Variants in TIMM21 observed in about 807,000 individuals in gnomAD.
TIMM21 encodes the protein mitochondrial import inner membrane translocase subunit Tim21.
TIMM21 carries 30 observed loss-of-function variants against 27.7 expected under a neutral mutation model. The ratio of observed to expected loss-of-function variants is 1.08; its 90% confidence interval spans 0.81 to 1.47. TIMM21 has a LOEUF of 1.47. Among genes scored for constraint, TIMM21 ranks in the 40% most tolerant of loss-of-function variants. TIMM21 has a pLI of 0.00. For synonymous variants in TIMM21, 121 were observed against 114.4 expected, an observed-to-expected ratio of 1.06 and a Z score of -0.37; for missense variants, 292 against 302.9, an observed-to-expected ratio of 0.96 and a Z score of 0.27.
At position 74,148,582 on chromosome 18, in the gene TIMM21, A is replaced by G; in HGVS notation, c.-227A>G. 4.3e-6 allele frequency: 2 copies of G among 469,980 alleles called. No homozygotes were observed. The highest frequency in any genetic ancestry group is 7.7e-6 in the Non-Finnish European group (2 of 261,432). The allele number at this position is 469,980 out of a possible 1,614,324, so 29.1% of individuals were successfully genotyped here. A position where few individuals can be genotyped will look rare whatever the true frequency, so the allele number is the denominator to read the frequency against. On this transcript the variant is annotated 5_prime_UTR_variant, in exon 1 of 6. Coordinates refer to ENST00000169551, the MANE Select transcript of TIMM21 (RefSeq NM_014177.3). ...GAATGTCAGCCCAGAAGGTGATCAG[A>G]GCCTGTTAATTAAAATGGAAAGAAG... is the stretch of plus-strand genomic sequence containing the variant.
intron 1 of TIMM21, among the ~76,000 whole-genome samples, chr18:74,151,635 A>C (rs923819892): frequency 2.6e-5 from 4 of 152,166 alleles, no homozygotes; most frequent in Non-Finnish European, 5.9e-5. Context: ...CCTCCTAAGA[A>C]CATAGTCAGC....
rs1979848336 is a variant in TIMM21 at position 74,152,838 on chromosome 18, T to G, written c.302-2307T>G. Among the ~76,000 whole-genome samples the G allele has an allele frequency of 6.6e-6, 1 of 152,192 alleles. No individual in the cohort carries two copies. The highest frequency in any genetic ancestry group is 1.5e-5 in the Non-Finnish European group (1 of 68,036). On this transcript the variant is annotated intron_variant, in intron 1 of 5. Transcript: ENST00000169551. The surrounding 1 kb of genome is among the most constrained non-coding windows in gnomAD (Gnocchi z 4.1). ...GACTGGGCAGAGGGAGAGGCCGAAG[T>G]GCATTTGCAGTTGGGGCCTCAGCTG... is the stretch of plus-strand genomic sequence containing the variant.
chr18:74,155,211 G>GC lies in TIMM21; in HGVS notation c.364+5dup. 1 of 1,613,982 alleles carries GC rather than the reference G, an allele frequency of 6.2e-7. No homozygotes were observed. The highest frequency in any genetic ancestry group is 8.5e-7 in the Non-Finnish European group (1 of 1,179,926). ...CTTTTTGGAATCAGCATTACAGGTT[G>GC]CAAAAAACAGCAAGTATAAGCCCTT... On this transcript the variant is annotated splice_donor_region_variant and intron_variant, in intron 2 of 5. Coordinates refer to ENST00000169551, the MANE Select transcript of TIMM21 (RefSeq NM_014177.3).
At chr18:74,154,006 T>C (rs948649825) in intron 1 of TIMM21, among the ~76,000 whole-genome samples, 5 of 152,194 alleles carry the variant, frequency 3.3e-5, no homozygotes, top group African/African-American at 1.2e-4. Flanking sequence ...GTTAAGGTAG[T>C]GTAACTGTAA....
In TIMM21 at chr18:74,158,383, G is replaced by A. The variant is rs1456774371; in HGVS notation, c.650G>A (p.Gly217Glu). 2 of 1,607,926 alleles carry A rather than the reference G, an allele frequency of 1.2e-6. No individual in the cohort carries two copies. Among genetic ancestry groups the A allele is most frequent in the Non-Finnish European group, 1.7e-6 (2 of 1,176,338 alleles). The part of the protein sequence containing the change: ...TVYAQVKENP[G>E]SGEYDFRYIF... ...ACACTACATTTTTTTCAGAACCCAG[G>A]AAGTGGTGAATATGATTTTCGATAT... Residue 217 changes from glycine to glutamate, a missense_variant, in exon 6 of 6, where the codon GGA becomes GAA. By Grantham distance (98) the Gly-to-Glu change is moderately conservative (BLOSUM62 -2). Transcript: ENST00000169551.
Position 74,148,685 on chromosome 18 carries a change from C to CCT in TIMM21, c.-123_-122dup. The CCT allele has an allele frequency of 1.0e-6, 1 of 970,722 alleles. No individual in the cohort carries two copies. Among genetic ancestry groups the CCT allele is most frequent in the Non-Finnish European group, 1.5e-6 (1 of 654,984 alleles). The allele number at this position is 970,722 out of a possible 1,614,324, so 60.1% of individuals were successfully genotyped here. A position where few individuals can be genotyped will look rare whatever the true frequency, so the allele number is the denominator to read the frequency against. ...TACGCTGCGGAAACTGACGTTTTTG[C>CCT]CTAACACCCCATGTAATGTAAACGT... is the stretch of plus-strand genomic sequence containing the variant. On this transcript the variant is annotated 5_prime_UTR_variant, in exon 1 of 6. Transcript: ENST00000169551.
At chr18:74,155,836 A>G (rs762918780) in intron 3 of TIMM21, among the ~76,000 whole-genome samples, 31 of 152,214 alleles carry the variant, frequency 2.0e-4, no homozygotes, top group Non-Finnish European at 3.2e-4. Flanking sequence ...GTTCGGCACT[A>G]CTTTGTCTTC....
chr18:74,157,866 A>G (rs1159979225), intron 3 of TIMM21, 148 bp from the exon 4 acceptor site: 9 of 811,458 alleles, frequency 1.1e-5, no homozygotes, highest in Non-Finnish European at 1.5e-5. Context: ...GATTGCTGGG[A>G]TTATAGGCGT....
chr18:74,154,310 G>A (rs1033070737), intron 1 of TIMM21, among the ~76,000 whole-genome samples: 5 of 148,282 alleles, frequency 3.4e-5, no homozygotes, highest in African/African-American at 1.0e-4. Flanking sequence ...CGCCCAGGCC[G>A]TAGTGCAGTG....
intron 1 of TIMM21, among the ~76,000 whole-genome samples, chr18:74,154,274 T>G (rs1217949851): frequency 6.6e-6 from 1 of 152,214 alleles, no homozygotes; most frequent in Non-Finnish European, 1.5e-5. Context: ...ACTGTCTTTT[T>G]TTTTTTGGAC....
chr18:74,155,179 A>C lies in TIMM21; in HGVS notation c.336A>C (p.Ile112=). Residue 112 remains isoleucine (I), a synonymous_variant, in exon 2 of 6, where the codon ATA becomes ATC. Transcript: ENST00000169551. The stretch of plus-strand genomic sequence containing the variant: ...CCGGAAGAGATTTTACCTATTTAAT[A>C]GTGGTGCTTTTTGGAATCAGCATTA... ...KEAGRDFTYL[I]VVLFGISITG... 2 of 1,614,228 alleles carry C rather than the reference A, an allele frequency of 1.2e-6. No individual in the cohort carries two copies. Among genetic ancestry groups the C allele is most frequent in the Non-Finnish European group, 1.7e-6 (2 of 1,180,046 alleles).
rs1979827631 is a variant in TIMM21, at chr18:74,152,141, G to T, written c.302-3004G>T. The stretch of plus-strand genomic sequence containing the variant: ...AGTGCCAACCTTTACCAGACACTGA[G>T]CTGCTGCTTCAGGGCTAGAGGGGTC... On this transcript the variant is annotated intron_variant, in intron 1 of 5. Transcript: ENST00000169551. This position sits in a 1 kb window ranked among gnomAD's most constrained non-coding sequence, Gnocchi z 4.1. Among the ~76,000 whole-genome samples, 1 of 152,094 alleles carries T rather than the reference G, an allele frequency of 6.6e-6. No homozygotes were observed. Among genetic ancestry groups the T allele is most frequent in the South Asian group, 2.1e-4 (1 of 4,826 alleles).
At chr18:74,153,074 G>A (rs1279550520) in intron 1 of TIMM21, among the ~76,000 whole-genome samples, 1 of 152,220 alleles carries the variant, frequency 6.6e-6, no homozygotes, top group Admixed American at 6.5e-5. Context: ...GCAGCTGGGA[G>A]CCCCATACCA....
Position 74,148,592 on chromosome 18 carries a change from T to A in TIMM21, c.-217T>A. On this transcript the variant is annotated 5_prime_UTR_variant, in exon 1 of 6. Coordinates refer to ENST00000169551, the MANE Select transcript of TIMM21 (RefSeq NM_014177.3). ...CCAGAAGGTGATCAGAGCCTGTTAA[T>A]TAAAATGGAAAGAAGACAGAAGGGA... 6 of 483,796 alleles carry A rather than the reference T, an allele frequency of 1.2e-5. No individual in the cohort carries two copies. Among genetic ancestry groups the A allele is most frequent in the Non-Finnish European group, 2.2e-5 (6 of 270,224 alleles). 30.0% of individuals were successfully genotyped at this position (483,796 alleles called of 1,614,324 possible).
chr18:74,148,966 G>A lies in TIMM21; in HGVS notation c.158G>A (p.Arg53Gln), dbSNP rs779650220. 8.1e-6 allele frequency: 13 copies of A among 1,614,146 alleles called. No homozygotes were observed. In the Admixed American group the frequency reaches 8.3e-5, roughly 10 times the overall value. The change falls in exon 1 of 6, where the codon CGA (arginine) becomes CAA (glutamine). Residue 53 changes from arginine (R) to glutamine (Q), a missense_variant. Transcript: ENST00000169551. ...CGLQYQKKTL[R>Q]PRCILGVTQK... ...CTTCAATATCAAAAGAAAACGCTGCGACCTAGATGTATTCTTGGAGTCACC... is the reference window on the plus strand; with the variant it reads ...CTTCAATATCAAAAGAAAACGCTGCAACCTAGATGTATTCTTGGAGTCACC...
chr18:74,155,145 T>A lies in TIMM21; in HGVS notation c.302T>A (p.Val101Glu), dbSNP rs1979915211. The change falls in exon 2 of 6, where the codon GTG becomes GAG. Residue 101 changes from valine to glutamate, a missense_variant and splice_region_variant. Coordinates refer to ENST00000169551, the MANE Select transcript of TIMM21 (RefSeq NM_014177.3). The part of the protein sequence containing the change: ...GGTAVPTSQK[V>E]KEAGRDFTYL... ...ACCCATTGGTGTTTTCTCTTCACAG[T>A]GAAAGAAGCCGGAAGAGATTTTACC... 6.2e-7 allele frequency: 1 copy of A among 1,614,086 alleles called. No homozygotes were observed. Among genetic ancestry groups the A allele is most frequent in the Admixed American group, 1.7e-5 (1 of 60,004 alleles).
Position 74,148,856 on chromosome 18 carries a change from C to G in TIMM21, c.48C>G (p.His16Gln). ...LRAVQYTEKLHRSSAKRLLLP... is the reference protein window; with the variant it reads ...LRAVQYTEKLQRSSAKRLLLP... The stretch of plus-strand genomic sequence containing the variant: ...CCGTACAGTATACGGAGAAGCTGCA[C>G]AGGTCCTCGGCAAAGCGATTGCTTT... Residue 16 changes from histidine to glutamine, a missense_variant, in exon 1 of 6, where the codon CAC becomes CAG. Coordinates refer to ENST00000169551, the MANE Select transcript of TIMM21 (RefSeq NM_014177.3). 1.2e-6 allele frequency: 2 copies of G among 1,613,990 alleles called. No individual in the cohort carries two copies. Among genetic ancestry groups the G allele is most frequent in the Non-Finnish European group, 1.7e-6 (2 of 1,179,878 alleles).
chr18:74,157,970 C>T, intron 3 of TIMM21, 44 bp from the exon 4 acceptor site: 4 of 1,588,078 alleles, frequency 2.5e-6, no homozygotes, highest in Non-Finnish European at 3.4e-6. Flanking sequence ...TCTTTAGAAG[C>T]TTAAAAAAAT....
intron 3 of TIMM21, chr18:74,157,692 T>C: frequency 4.1e-6 from 1 of 244,674 alleles, no homozygotes; most frequent in Non-Finnish European, 8.0e-6. Context: ...GCCTACTGGG[T>C]TCAAGCGATT....
Sources: gnomAD v4.1 joint callset for allele counts (sites outside exome capture counted in the v4.1 genomes callset) on GRCh38, gnomAD v4.1.1 for gene constraint, Gnocchi (gnomAD v3.1) non-coding constraint, MANE v1.5 for transcripts, NCBI Gene and HGNC (gene_info 2026-07-23, HGNC 2026-07-21) for gene names.